GBE1: variants seen among roughly 807,000 people sequenced by gnomAD.
GBE1 encodes the protein 1,4-alpha-glucan-branching enzyme.
A neutral mutation model predicts 88.8 loss-of-function variants in GBE1; 70 were observed. That is an observed-to-expected ratio of 0.79 (90% confidence interval 0.65 to 0.96). GBE1 has a LOEUF of 0.96. GBE1 is among the 40% of genes least tolerant of loss of function. The probability of loss-of-function intolerance (pLI) is 0.00; values close to 1 mark genes in which losing one functional copy is unlikely to be tolerated. For missense variants in GBE1, 872 were observed against 871.0 expected, an observed-to-expected ratio of 1.00 and a Z score of -0.01; for synonymous variants, 284 against 300.1, an observed-to-expected ratio of 0.95 and a Z score of 0.56.
intron 1 of GBE1, among the ~76,000 whole-genome samples, chr3:81,727,395 G>A (rs1254480716): frequency 3.9e-5 from 6 of 152,148 alleles, no homozygotes; most frequent in African/African-American, 1.4e-4. Context: ...ATGAGAATTT[G>A]ACCAAGGCAT....
At chr3:81,635,701 T>C (rs973904169) in intron 7 of GBE1, among the ~76,000 whole-genome samples, 1 of 152,178 alleles carries the variant, frequency 6.6e-6, no homozygotes, top group Non-Finnish European at 1.5e-5. Flanking sequence ...ATTATTATTA[T>C]AGATACCACA....
chr3:81,700,570 AAAAC>A (rs1705672469), intron 2 of GBE1, among the ~76,000 whole-genome samples: 1 of 152,170 alleles, frequency 6.6e-6, no homozygotes, highest in Admixed American at 6.6e-5. Context: ...AATATCACTG[AAAAC>A]AGATTACAGT....
chr3:81,605,946 T>C (rs879703160), intron 7 of GBE1, among the ~76,000 whole-genome samples: 9 of 152,210 alleles, frequency 5.9e-5, no homozygotes, highest in Non-Finnish European at 8.8e-5. Flanking sequence ...GTAACATTCA[T>C]ATGCCCACAC....
chr3:81,663,335 C>A (rs1194671612), intron 3 of GBE1, among the ~76,000 whole-genome samples: 1 of 152,200 alleles, frequency 6.6e-6, no homozygotes, highest in Non-Finnish European at 1.5e-5. Context: ...GCGTAAGCAG[C>A]TGGAAGGCAG....
intron 14 of GBE1, among the ~76,000 whole-genome samples, chr3:81,525,640 C>T (rs192578228): frequency 4.6e-4 from 70 of 152,026 alleles, no homozygotes; most frequent in Non-Finnish European, 8.4e-4. Context: ...TGGTAGAATT[C>T]GGCTGTGAAT....
At chr3:81,531,695 T>C (rs1053589723) in intron 14 of GBE1, among the ~76,000 whole-genome samples, 4 of 151,894 alleles carry the variant, frequency 2.6e-5, no homozygotes, top group Non-Finnish European at 5.9e-5. Context: ...TGAGCTGGTA[T>C]CCGAGTTATA....
At chr3:81,630,726 A>C (rs1394281636) in intron 7 of GBE1, among the ~76,000 whole-genome samples, 1 of 152,162 alleles carries the variant, frequency 6.6e-6, no homozygotes. Flanking sequence ...TACCTCTAAA[A>C]TACGTCAAAT....
At chr3:81,679,628 A>G (rs1000246408) in intron 2 of GBE1, among the ~76,000 whole-genome samples, 2 of 152,220 alleles carry the variant, frequency 1.3e-5, no homozygotes, top group African/African-American at 4.8e-5. Context: ...AGCTGTAACC[A>G]ATAGCTTTCG....
chr3:81,571,025 G>C (rs1430944954), intron 12 of GBE1, among the ~76,000 whole-genome samples: 5 of 152,052 alleles, frequency 3.3e-5, no homozygotes, highest in Non-Finnish European at 7.4e-5. Flanking sequence ...AGGATCTAAA[G>C]TCTTCTTTAA....
At chr3:81,761,335 G>C in intron 1 of GBE1, 40 bp downstream of exon 1, 1 of 1,576,038 alleles carries the variant, frequency 6.3e-7, no homozygotes, top group Non-Finnish European at 8.7e-7. Context: ...TGGGAGGCGG[G>C]CTGCCTGTCT....
intron 2 of GBE1, among the ~76,000 whole-genome samples, chr3:81,686,415 A>G (rs1477547823): frequency 6.6e-6 from 1 of 152,112 alleles, no homozygotes; most frequent in African/African-American, 2.4e-5. Flanking sequence ...TTTGTTTCTT[A>G]TTGCAAAAGA....
chr3:81,713,864 A>C (rs1399069722), intron 1 of GBE1, among the ~76,000 whole-genome samples: 1 of 152,192 alleles, frequency 6.6e-6, no homozygotes, highest in Non-Finnish European at 1.5e-5. Flanking sequence ...AGGAATAGTG[A>C]AATCCATCTA....
At chr3:81,513,231 T>C (rs920917435) in intron 14 of GBE1, among the ~76,000 whole-genome samples, 4 of 150,932 alleles carry the variant, frequency 2.7e-5, no homozygotes, top group African/African-American at 9.7e-5. Context: ...ACATGAAGAA[T>C]AGGTGGAAAG....
At chr3:81,710,199 T>G (rs1406829507) in intron 1 of GBE1, among the ~76,000 whole-genome samples, 2 of 151,386 alleles carry the variant, frequency 1.3e-5, no homozygotes, top group Admixed American at 6.6e-5. Context: ...TAAAGAAAGT[T>G]ATTTATGTTG....
intron 7 of GBE1, among the ~76,000 whole-genome samples, chr3:81,629,430 T>A (rs562070032): frequency 6.6e-6 from 1 of 152,220 alleles, no homozygotes; most frequent in South Asian, 2.1e-4. Context: ...GTCTATTACA[T>A]GTTTAATTTC....
At chr3:81,578,995 C>T (rs937670299) in intron 11 of GBE1, among the ~76,000 whole-genome samples, 2 of 151,952 alleles carry the variant, frequency 1.3e-5, no homozygotes, top group Non-Finnish European at 2.9e-5. Context: ...TTAAACAACT[C>T]ACCTTCTCTA....
chr3:81,735,872 A>G (rs1039162048), intron 1 of GBE1, among the ~76,000 whole-genome samples: 1 of 152,168 alleles, frequency 6.6e-6, no homozygotes. Flanking sequence ...ATAGAGATCA[A>G]GTAAAAATAT....
chr3:81,599,761 C>T (rs1704007970), intron 7 of GBE1, among the ~76,000 whole-genome samples: 1 of 152,068 alleles, frequency 6.6e-6, no homozygotes, highest in African/African-American at 2.4e-5. Flanking sequence ...AAAATTCTAC[C>T]TTATCTATAA....
At chr3:81,684,838 T>C (rs980348139) in intron 2 of GBE1, among the ~76,000 whole-genome samples, 1 of 152,142 alleles carries the variant, frequency 6.6e-6, no homozygotes, top group South Asian at 2.1e-4. Context: ...ACACCAGAAC[T>C]AAAGCTACAT....
Sources: gnomAD v4.1 joint callset for allele counts (sites outside exome capture counted in the v4.1 genomes callset) on GRCh38, gnomAD v4.1.1 for gene constraint, MANE v1.5 for transcripts, NCBI Gene and HGNC (gene_info 2026-07-23, HGNC 2026-07-21) for gene names.